Variants in PSG3 observed in about 807,000 individuals in gnomAD.
PSG3 encodes the protein pregnancy-specific beta-1-glycoprotein 3.
A neutral mutation model predicts 47.5 loss-of-function variants in PSG3; 61 were observed. That is an observed-to-expected ratio of 1.28 (90% CI 1.05 to 1.59). The LOEUF is 1.59. Among genes scored for constraint, PSG3 ranks in the 40% most tolerant of loss-of-function variants. PSG3 has a pLI of 0.00. For synonymous variants in PSG3, 263 were observed against 198.4 expected (o/e 1.33, Z -2.74); for missense variants, 756 against 524.0 (o/e 1.44, Z -4.32).
chr19:42,735,920 C>A (rs977023870), intron 2 of PSG3, among the ~76,000 whole-genome samples: 1 of 152,178 alleles, frequency 6.6e-6, no homozygotes, highest in Non-Finnish European at 1.5e-5. Context: ...GCTAAGATTA[C>A]AACAGTGACA....
In PSG3 at chr19:42,734,679, G is replaced by C. The variant is rs182122210; in HGVS notation, c.431-1617C>G. 8.9e-3 allele frequency among the ~76,000 whole-genome samples: 1,360 copies of C among 152,276 alleles called. 20 individuals carry two copies. The highest frequency in any genetic ancestry group is 0.031 in the African/African-American group (1,275 of 41,560). On this transcript the variant is annotated intron_variant, in intron 2 of 6. Coordinates refer to ENST00000327495, the MANE Select transcript of PSG3 (RefSeq NM_021016.4). ...GATCACATTATGCTCAAAGAAAGAT[G>C]CCAAAGGTGATTTGAAATTAGCAAC...
Position 42,729,994 on chromosome 19 carries a change from A to G in PSG3, c.772T>C (p.Leu258=), listed in dbSNP as rs1334388296. ...NLNPRENKDV[L]AFTCEPKSEN... Reference sequence around the variant, plus strand: ...CTCTTAGGTTCACAGGTGAAGGCTAAGACATCCTTATTCTCCCTGGGGTTT... The same window carrying G: ...CTCTTAGGTTCACAGGTGAAGGCTAGGACATCCTTATTCTCCCTGGGGTTT... The change falls in exon 4 of 7, where the codon TTA becomes CTA. Residue 258 remains leucine (L), a synonymous_variant. Transcript: ENST00000327495. 6.2e-7 allele frequency: 1 copy of G among 1,612,448 alleles called. No individual in the cohort carries two copies. Among genetic ancestry groups the G allele is most frequent in the Admixed American group, 1.7e-5 (1 of 60,022 alleles).
At position 42,739,030 on chromosome 19, in the gene PSG3, G is replaced by C. The variant is rs759718102; in HGVS notation, c.124C>G (p.Pro42Ala). 4 of 1,613,634 alleles carry C rather than the reference G, an allele frequency of 2.5e-6. No homozygotes were observed. The South Asian group carries it at 3.3e-5, about 13-fold the overall frequency. Residue 42 changes from proline (P) to alanine (A), a missense_variant, in exon 2 of 7, where the codon CCA (proline) becomes GCA (alanine). By Grantham distance (27) the Pro-to-Ala change is conservative (BLOSUM62 -1). Coordinates refer to ENST00000327495, the MANE Select transcript of PSG3 (RefSeq NM_021016.4). The stretch of plus-strand genomic sequence containing the variant: ...TCCTTCCCCTTGGAAACTTTGGTTG[G>C]CTCGGCTTCAATCGTGACTTGGGCA... ...TTAQVTIEAE[P>A]TKVSKGKDVL...
At position 42,732,868 on chromosome 19, in the gene PSG3, T is replaced by C. The variant is rs1969496495; in HGVS notation, c.625A>G (p.Lys209Glu). The change falls in exon 3 of 7, where the codon AAG (lysine) becomes GAG (glutamate). Residue 209 changes from lysine (K) to glutamate (E), a missense_variant. By Grantham distance (56) the Lys-to-Glu change is moderately conservative. Coordinates refer to ENST00000327495, the MANE Select transcript of PSG3 (RefSeq NM_021016.4). ...CATTCATAGGGTCCTGCAGTGTACTTTGTGACACCAAATAGAAAGAGGGTC... is the reference window on the plus strand; with the variant it reads ...CATTCATAGGGTCCTGCAGTGTACTCTGTGACACCAAATAGAAAGAGGGTC... ...KRTLFLFGVT[K>E]YTAGPYECEI... 2 of 1,613,988 alleles carry C rather than the reference T, an allele frequency of 1.2e-6. No homozygotes were observed. The highest frequency in any genetic ancestry group is 8.5e-7 in the Non-Finnish European group (1 of 1,180,002).
At chr19:42,734,736 C>G (rs542322234) in intron 2 of PSG3, among the ~76,000 whole-genome samples, 5 of 152,138 alleles carry the variant, frequency 3.3e-5, no homozygotes, top group Non-Finnish European at 7.3e-5. Context: ...GTTAAAAGGA[C>G]AGAACTGGTT....
intron 1 of PSG3, 142 bp from the exon 2 acceptor site, chr19:42,739,231 CAA>C: frequency 7.8e-7 from 1 of 1,280,160 alleles, no homozygotes; most frequent in East Asian, 2.3e-5. Flanking sequence ...CACACACACA[CAA>C]AAGGGGCATG....
chr19:42,727,357 A>G (rs993406356), intron 5 of PSG3, among the ~76,000 whole-genome samples: 1 of 152,082 alleles, frequency 6.6e-6, no homozygotes, highest in Non-Finnish European at 1.5e-5. Flanking sequence ...TGCAAATTAT[A>G]TGTGTGATAA....
Position 42,729,257 on chromosome 19 carries a change from C to A in PSG3, c.1109G>T (p.Gly370Val). The A allele has an allele frequency of 1.9e-6, 3 of 1,614,028 alleles. No individual in the cohort carries two copies. Among genetic ancestry groups the A allele is most frequent in the Non-Finnish European group, 2.5e-6 (3 of 1,179,936 alleles). ...CTTTTGTCCTGATAGCTGAAACTTC[C>A]CATTAATTGTCCAAGAATATTCTGC... ...PPAEYSWTIN[G>V]KFQLSGQKLF... The change falls in exon 5 of 7, where the codon GGG becomes GTG. Residue 370 changes from glycine to valine, a missense_variant. By Grantham distance (109) the Gly-to-Val change is moderately radical. Transcript: ENST00000327495.
Position 42,732,863 on chromosome 19 carries a change from G to A in PSG3, c.630C>T (p.Tyr210=), listed in dbSNP as rs760729029. 1.2e-5 allele frequency: 20 copies of A among 1,614,016 alleles called. No individual in the cohort carries two copies. The highest frequency in any genetic ancestry group is 5.3e-5 in the African/African-American group (4 of 74,918). ...RTLFLFGVTK[Y]TAGPYECEIR... ...TTTCACATTCATAGGGTCCTGCAGT[G>A]TACTTTGTGACACCAAATAGAAAGA... Residue 210 remains tyrosine, a synonymous_variant, in exon 3 of 7, where the codon TAC becomes TAT. Transcript: ENST00000327495.
chr19:42,731,028 C>T (rs182959719), intron 3 of PSG3, among the ~76,000 whole-genome samples: 162 of 152,216 alleles, frequency 1.1e-3, no homozygotes, highest in African/African-American at 3.6e-3. Context: ...TCCATGGGTT[C>T]GACTACTCTA....
chr19:42,730,170 G>A, intron 3 of PSG3, 114 bp from the exon 4 acceptor site: 1 of 1,525,092 alleles, frequency 6.6e-7, no homozygotes, highest in Non-Finnish European at 8.8e-7. Context: ...GTCCTTGAAA[G>A]CCAATAGCTG....
intron 1 of PSG3, 106 bp from the exon 2 acceptor site, chr19:42,739,195 GAC>G (rs372182118): frequency 5.0e-3 from 6,664 of 1,328,762 alleles, no homozygotes; most frequent in East Asian, 9.6e-3. Flanking sequence ...GCTTTGAAGA[GAC>G]ACACACACAC....
chr19:42,729,678 G>T, intron 4 of PSG3, 100 bp downstream of exon 4: 1 of 1,568,864 alleles, frequency 6.4e-7, no homozygotes, highest in Non-Finnish European at 8.6e-7. Context: ...CAGAAGTAAT[G>T]GTATCTATAC....
At chr19:42,730,163 C>A (rs967965857) in intron 3 of PSG3, 107 bp from the exon 4 acceptor site, 2 of 1,541,888 alleles carry the variant, frequency 1.3e-6, no homozygotes, top group African/African-American at 2.7e-5. Context: ...CACCCGAGTC[C>A]TTGAAAGCCA....
At chr19:42,728,965 C>G in intron 5 of PSG3, 158 bp downstream of exon 5, 1 of 1,548,504 alleles carries the variant, frequency 6.5e-7, no homozygotes, top group Admixed American at 2.0e-5. Context: ...AGAAGAGAGT[C>G]TGTAGAGACA....
At chr19:42,732,744 G>A (rs201350353) in intron 3 of PSG3, 40 bp downstream of exon 3, 7 of 1,614,026 alleles carry the variant, frequency 4.3e-6, no homozygotes, top group African/African-American at 2.7e-5. Flanking sequence ...CGTGTATTTG[G>A]GATGGCAGAC....
Position 42,729,534 on chromosome 19 carries a change from C to A in PSG3, c.989-157G>T, listed in dbSNP as rs533387817. 8.5e-4 allele frequency among the ~76,000 whole-genome samples: 129 copies of A among 152,288 alleles called. 2 individuals are homozygous for A. Among genetic ancestry groups the A allele is most frequent in the African/African-American group, 2.4e-3 (99 of 41,554 alleles). Reference sequence around the variant, plus strand: ...CACTGAGCTGAAGCCTGAGGTATTCCCCTGTTTCTCCCATCACAAGCTGTG... The same window carrying A: ...CACTGAGCTGAAGCCTGAGGTATTCACCTGTTTCTCCCATCACAAGCTGTG... On this transcript the variant is annotated intron_variant, in intron 4 of 6. Transcript: ENST00000327495.
rs1969308086 is a variant in PSG3 at position 42,722,065 on chromosome 19, C to T, written c.*66G>A. ...TTTGGACTGTAGCTGATGGTAAATACTTTGAGGAAGAATGAAAGCAACTGT... is the reference window on the plus strand; with the variant it reads ...TTTGGACTGTAGCTGATGGTAAATATTTTGAGGAAGAATGAAAGCAACTGT... On this transcript the variant is annotated 3_prime_UTR_variant, in exon 7 of 7. Transcript: ENST00000327495. 4.8e-6 allele frequency: 2 copies of T among 414,428 alleles called. No individual in the cohort carries two copies. Among genetic ancestry groups the T allele is most frequent in the African/African-American group, 2.1e-5 (1 of 48,626 alleles). The allele number at this position is 414,428 out of a possible 1,614,324, so 25.7% of individuals were successfully genotyped here. A position where few individuals can be genotyped will look rare whatever the true frequency, so the allele number is the denominator to read the frequency against.
chr19:42,724,844 T>A (rs1969350984), intron 5 of PSG3, among the ~76,000 whole-genome samples: 1 of 151,952 alleles, frequency 6.6e-6, no homozygotes, highest in South Asian at 2.1e-4. Flanking sequence ...AGTAACCATG[T>A]CCTAGTGTTT....
Sources: gnomAD v4.1 joint callset for allele counts (sites outside exome capture counted in the v4.1 genomes callset) on GRCh38, gnomAD v4.1.1 for gene constraint, MANE v1.5 for transcripts, NCBI Gene and HGNC (gene_info 2026-07-23, HGNC 2026-07-21) for gene names.